Variants in ARAP2 observed in about 807,000 individuals in gnomAD.
ARAP2 encodes ArfGAP with RhoGAP domain, ankyrin repeat and PH domain 2.
Under a neutral mutation model 194.5 loss-of-function variants are expected in ARAP2, and 148 were observed. The observed-to-expected ratio is 0.76, with a 90% confidence interval of 0.67 to 0.87. ARAP2 has a LOEUF of 0.87. Among genes scored for constraint, ARAP2 ranks in the 40% least tolerant of loss-of-function variants. The pLI is 0.00. For synonymous variants in ARAP2, 695 were observed against 683.5 expected, an observed-to-expected ratio of 1.02 and a Z score of -0.26; for missense variants, 2,128 against 1,989.7, an observed-to-expected ratio of 1.07 and a Z score of -1.32.
chr4:36,220,403 T>C (rs2109308855), intron 2 of ARAP2, among the ~76,000 whole-genome samples: 1 of 152,318 alleles, frequency 6.6e-6, no homozygotes, highest in East Asian at 1.9e-4. Flanking sequence ...TTTGTGGTGA[T>C]GCTGGTGCAA....
intron 8 of ARAP2, among the ~76,000 whole-genome samples, chr4:36,014,281 G>GAAAA (rs1560264273): frequency 7.2e-6 from 1 of 138,868 alleles, no homozygotes; most frequent in Non-Finnish European, 1.6e-5. Context: ...AAGAAAGAAA[G>GAAAA]AAAGAAAGAA....
chr4:36,243,383 C>CAAAAAAAAAAAAAAAAAAAAAAAAAA (rs71201008), intron 1 of ARAP2, among the ~76,000 whole-genome samples: 1 of 85,114 alleles, frequency 1.2e-5, no homozygotes, highest in African/African-American at 5.0e-5. Flanking sequence ...GACAAGCTTG[C>CAAAAAAAAAAAAAAAAAAAAAAAAAA]AAAAAAAAAA....
At chr4:36,068,599 G>A (rs200202043) in intron 32 of ARAP2, among the ~76,000 whole-genome samples, 4 of 152,108 alleles carry the variant, frequency 2.6e-5, no homozygotes, top group Admixed American at 6.5e-5. Flanking sequence ...AGTGATGCGC[G>A]GTAGGACACT....
At chr4:36,012,208 G>A (rs1453831913) in intron 9 of ARAP2, among the ~76,000 whole-genome samples, 1 of 152,144 alleles carries the variant, frequency 6.6e-6, no homozygotes, top group Admixed American at 6.6e-5. Context: ...CTCTCTACAT[G>A]TAAAATTTTG....
chr4:36,027,606 T>C (rs1370480968), intron 5 of ARAP2, among the ~76,000 whole-genome samples: 1 of 151,948 alleles, frequency 6.6e-6, no homozygotes. Flanking sequence ...GCCACTACAG[T>C]CTTAACAGCA....
intron 15 of ARAP2, among the ~76,000 whole-genome samples, chr4:36,154,832 T>C (rs1435895574): frequency 6.6e-6 from 1 of 152,224 alleles, no homozygotes; most frequent in Admixed American, 6.5e-5. Context: ...GTGCTTGCTT[T>C]CAGAGGCAAA....
intron 24 of ARAP2, among the ~76,000 whole-genome samples, chr4:36,119,422 T>G (rs1722150958): frequency 6.6e-6 from 1 of 151,520 alleles, no homozygotes; most frequent in Non-Finnish European, 1.5e-5. Flanking sequence ...AAAGAAAACC[T>G]TGAAAGGTAA....
At chr4:36,133,699 G>GT (rs1725984999) in intron 19 of ARAP2, among the ~76,000 whole-genome samples, 1 of 151,702 alleles carries the variant, frequency 6.6e-6, no homozygotes, top group Non-Finnish European at 1.5e-5. Flanking sequence ...TTCTGGTTAC[G>GT]TTTTTTAAGG....
rs1237790700 is a variant in ARAP2, at chr4:36,193,593, G to A, written c.1542C>T (p.Tyr514=). 1 of 1,590,110 alleles carries A rather than the reference G, an allele frequency of 6.3e-7. No homozygotes were observed. Among genetic ancestry groups the A allele is most frequent in the South Asian group, 1.2e-5 (1 of 85,154 alleles). ...ATGTATTTACCTTCTCATTATTGTA[G>A]TAAGAAATGCTAAGGCCATCAAATT... is the stretch of plus-strand genomic sequence containing the variant. The part of the protein sequence containing the change: ...WVKFDGLSIS[Y]YNNEKEMYSK... The change falls in exon 7 of 33, where the codon TAC becomes TAT. Residue 514 remains tyrosine (Y), a synonymous_variant. Coordinates refer to ENST00000303965, the MANE Select transcript of ARAP2 (RefSeq NM_015230.4).
In ARAP2 at chr4:36,177,821, G is replaced by C. The variant is rs751246980; in HGVS notation, c.1857+6C>G. 6.3e-7 allele frequency: 1 copy of C among 1,594,600 alleles called. No individual in the cohort carries two copies. The highest frequency in any genetic ancestry group is 8.5e-7 in the Non-Finnish European group (1 of 1,172,240). On this transcript the variant is annotated splice_donor_region_variant and intron_variant, in intron 9 of 32. Transcript: ENST00000303965. The stretch of plus-strand genomic sequence containing the variant: ...AGCAATTTGCAATGACTATAACAGA[G>C]CTCACCTGTTCGTTTTTGCAAAGCC...
chr4:36,044,298 G>A (rs916519892), intron 5 of ARAP2, among the ~76,000 whole-genome samples: 8 of 152,166 alleles, frequency 5.3e-5, no homozygotes, highest in African/African-American at 1.2e-4. Flanking sequence ...TGATGGGTCT[G>A]ATTAGAGAAA....
chr4:36,068,061 AGGCCTTTAT>A lies in ARAP2; in HGVS notation c.4952_4960del (p.His1651_Gly1653del), dbSNP rs1725890647. 1 of 1,613,994 alleles carries A rather than the reference AGGCCTTTAT, an allele frequency of 6.2e-7. No individual in the cohort carries two copies. The highest frequency in any genetic ancestry group is 8.5e-7 in the Non-Finnish European group (1 of 1,179,996). On this transcript the variant is annotated inframe_deletion, in exon 33 of 33. Coordinates refer to ENST00000303965, the MANE Select transcript of ARAP2 (RefSeq NM_015230.4). ...GTCCTCAGTCTTCCTCAATGTCTTT[AGGCCTTTAT>A]GGCCTTTTGGTTGCCCAAGTGGGGC... is the stretch of plus-strand genomic sequence containing the variant.
At chr4:36,159,529 A>G in intron 13 of ARAP2, 24 bp from the exon 14 acceptor site, 1 of 1,470,032 alleles carries the variant, frequency 6.8e-7, no homozygotes, top group Non-Finnish European at 9.1e-7. Flanking sequence ...GAAAATATAC[A>G]TCTTAAGGAA....
chr4:36,122,838 G>A (rs1414285263), intron 22 of ARAP2, among the ~76,000 whole-genome samples: 7 of 151,682 alleles, frequency 4.6e-5, no homozygotes, highest in African/African-American at 9.7e-5. Flanking sequence ...TGTAACAGAC[G>A]AGAACTGTAA....
chr4:36,212,559 T>A, intron 4 of ARAP2, 72 bp from the exon 5 acceptor site: 1 of 982,988 alleles, frequency 1.0e-6, no homozygotes, highest in Non-Finnish European at 1.6e-6. Flanking sequence ...TTTGTATGTG[T>A]AGCAATATTC....
Position 36,100,392 on chromosome 4 carries a change from C to T in ARAP2, c.4285+7173G>A, listed in dbSNP as rs182801394. The stretch of plus-strand genomic sequence containing the variant: ...AAAGACTATTTCTTCAGAGCTGTGC[C>T]TTATCTTAAAAAATTATTTGTTCCA... On this transcript the variant is annotated intron_variant, in intron 27 of 32. Coordinates refer to ENST00000303965, the MANE Select transcript of ARAP2 (RefSeq NM_015230.4). Among the ~76,000 whole-genome samples the T allele has an allele frequency of 1.0e-3, 158 of 152,080 alleles. 1 individual carries two copies. The highest frequency in any genetic ancestry group is 3.7e-3 in the African/African-American group (153 of 41,518).
chr4:36,065,443 C>A, downstream of ARAP2: 1 of 437,714 alleles, frequency 2.3e-6, no homozygotes, highest in Non-Finnish European at 4.6e-6. Flanking sequence ...ACTCTTTGCC[C>A]AGTGTATTCA....
intron 6 of ARAP2, among the ~76,000 whole-genome samples, chr4:36,204,945 G>C (rs1176258754): frequency 8.8e-6 from 1 of 113,236 alleles, no homozygotes; most frequent in Non-Finnish European, 1.6e-5. Flanking sequence ...CCAAGATCAA[G>C]CCACTGCACT....
In ARAP2 at chr4:36,159,412, C is replaced by T. The variant is rs150304991; in HGVS notation, c.2536G>A (p.Val846Met). ...ADVMCATGDP[V>M]HSTPYLLAKK... ...GCTAGCAGATAGGGGGTGCTATGCA[C>T]GGGGTCTCCGGTGGCACACATGACA... The change falls in exon 14 of 33, where the codon GTG (valine) becomes ATG (methionine). Residue 846 changes from valine (V) to methionine (M), a missense_variant. By Grantham distance (21) the Val-to-Met change is conservative (BLOSUM62 1). Transcript: ENST00000303965. The T allele has an allele frequency of 6.5e-5, 105 of 1,611,674 alleles. No homozygotes were observed. Among genetic ancestry groups the T allele is most frequent in the South Asian group, 1.7e-4 (15 of 90,858 alleles).
Sources: gnomAD v4.1 joint callset for allele counts (sites outside exome capture counted in the v4.1 genomes callset) on GRCh38, gnomAD v4.1.1 for gene constraint, MANE v1.5 for transcripts, NCBI Gene and HGNC (gene_info 2026-07-23, HGNC 2026-07-21) for gene names.